The following HTR4 variants were observed in gnomAD, a reference collection of about 807,000 sequenced individuals.
HTR4 encodes the protein 5-hydroxytryptamine (serotonin) receptor 4, G protein-coupled.
HTR4 carries 16 observed loss-of-function variants against 36.8 expected under a neutral mutation model. That is an observed-to-expected ratio of 0.43 (90% CI 0.29 to 0.66). The LOEUF (loss-of-function observed/expected upper bound fraction) is 0.66, where lower values mean the gene tolerates loss of function less well. Among genes scored for constraint, HTR4 ranks in the 30% least tolerant of loss-of-function variants. The probability of loss-of-function intolerance (pLI) is 0.13; values close to 1 mark genes in which losing one functional copy is unlikely to be tolerated. For missense variants in HTR4, 438 were observed against 490.9 expected, an observed-to-expected ratio of 0.89 and a Z score of 1.02; for synonymous variants, 189 against 185.1, an observed-to-expected ratio of 1.02 and a Z score of -0.17.
rs766413781 is a variant in HTR4 at position 148,509,805 on chromosome 5, C to A, written c.727G>T (p.Ala243Ser). 5.6e-6 allele frequency: 9 copies of A among 1,613,918 alleles called. No homozygotes were observed. The Middle Eastern group carries it at 5.0e-4, about 89-fold the overall frequency. The part of the protein sequence containing the change: ...GASSESRPQS[A>S]DQHSTHRMRT... ...ATGCGATGAGTGCTATGCTGGTCTG[C>A]CGACTGAGGCCTGCTCTCGGAGGAG... Residue 243 changes from alanine (A) to serine (S), a missense_variant, in exon 6 of 7, where the codon GCA becomes TCA. Physicochemically the swap from Ala to Ser is moderately conservative, Grantham distance 99. Coordinates refer to ENST00000377888, the MANE Select transcript of HTR4 (RefSeq NM_000870.7).
intron 2 of HTR4, among the ~76,000 whole-genome samples, chr5:148,575,857 C>A (rs1760876889): frequency 6.6e-6 from 1 of 151,808 alleles, no homozygotes; most frequent in Non-Finnish European, 1.5e-5. Flanking sequence ...CACTCCCATG[C>A]AACATAATAT....
chr5:148,484,317 C>T (rs372132492), intron 6 of HTR4: 2 of 1,613,456 alleles, frequency 1.2e-6, no homozygotes, highest in African/African-American at 1.3e-5. Context: ...TGAGAATGGA[C>T]CCGCTCTGGC....
intron 2 of HTR4, among the ~76,000 whole-genome samples, chr5:148,608,374 C>A (rs1173035470): frequency 6.6e-6 from 1 of 152,080 alleles, no homozygotes; most frequent in Non-Finnish European, 1.5e-5. Flanking sequence ...AGCAGCTAAT[C>A]TAGGCTTTGG....
At chr5:148,644,009 T>C (rs10476896) in intron 1 of HTR4, among the ~76,000 whole-genome samples, 4,372 of 152,276 alleles carry the variant, frequency 0.029, 214 homozygotes, top group African/African-American at 0.1. Context: ...AGTTTAGGCA[T>C]GCATAAGAAT....
chr5:148,536,189 G>A (rs1333833558), intron 4 of HTR4, among the ~76,000 whole-genome samples: 2 of 152,042 alleles, frequency 1.3e-5, no homozygotes, highest in South Asian at 4.1e-4. Context: ...CAAATATTGA[G>A]GGAGTTTGTT....
chr5:148,456,953 C>T lies in HTR4; in HGVS notation c.1077-5681G>A, dbSNP rs117911888. On this transcript the variant is annotated intron_variant, in intron 5 of 5. Transcript: ENST00000521530. ...CCCAATTCAGTGCAGAAATCCTTTC[C>T]TCAGTAACTGAACAAACGTTTATTC... is the stretch of plus-strand genomic sequence containing the variant. Among the ~76,000 whole-genome samples the T allele has an allele frequency of 1.3e-3, 205 of 152,298 alleles. 4 individuals are homozygous for T. The East Asian group carries it at 0.034, about 25-fold the overall frequency.
intron 2 of HTR4, among the ~76,000 whole-genome samples, chr5:148,627,993 G>A (rs1408382735): frequency 6.6e-6 from 1 of 152,218 alleles, no homozygotes; most frequent in Non-Finnish European, 1.5e-5. Flanking sequence ...GGCTATGAAA[G>A]GTAATGTGAT....
intron 2 of HTR4, among the ~76,000 whole-genome samples, chr5:148,595,835 A>G (rs1761745419): frequency 6.6e-6 from 1 of 152,240 alleles, no homozygotes; most frequent in South Asian, 2.1e-4. Flanking sequence ...TAAGGACAAA[A>G]ATCCATAAAA....
At chr5:148,488,764 A>C (rs1196596342) in intron 6 of HTR4, among the ~76,000 whole-genome samples, 2 of 152,212 alleles carry the variant, frequency 1.3e-5, no homozygotes, top group African/African-American at 4.8e-5. Flanking sequence ...AAGCTTGCAG[A>C]AAGCTGAGCT....
intron 5 of HTR4, among the ~76,000 whole-genome samples, chr5:148,511,544 T>G (rs1004262333): frequency 6.6e-6 from 1 of 152,108 alleles, no homozygotes; most frequent in Non-Finnish European, 1.5e-5. Flanking sequence ...CATATTCCAA[T>G]ATTGACAGAC....
At chr5:148,635,699 T>C (rs1753509238) in intron 2 of HTR4, among the ~76,000 whole-genome samples, 1 of 152,200 alleles carries the variant, frequency 6.6e-6, no homozygotes, top group African/African-American at 2.4e-5. Flanking sequence ...CCATTGATAT[T>C]GCTCACTCTG....
At chr5:148,649,247 T>C (rs1029610041) in intron 1 of HTR4, among the ~76,000 whole-genome samples, 3 of 151,366 alleles carry the variant, frequency 2.0e-5, no homozygotes, top group Admixed American at 2.0e-4. Flanking sequence ...AGAGATACCT[T>C]GCTTGGATGG....
At chr5:148,546,764 T>C (rs1372099555) in intron 4 of HTR4, among the ~76,000 whole-genome samples, 1 of 152,240 alleles carries the variant, frequency 6.6e-6, no homozygotes, top group Non-Finnish European at 1.5e-5. Flanking sequence ...TCAGTCTCAC[T>C]ACTCATTTTA....
At chr5:148,509,423 A>G (rs752575838) in intron 6 of HTR4, 33 bp downstream of exon 6, 1 of 1,506,108 alleles carries the variant, frequency 6.6e-7, no homozygotes, top group Non-Finnish European at 9.0e-7. Flanking sequence ...AATACAAATC[A>G]ACCAAATCAA....
chr5:148,629,880 A>G (rs1160141179), intron 2 of HTR4: 8 of 152,152 alleles, frequency 5.3e-5, no homozygotes, highest in African/African-American at 1.9e-4. Flanking sequence ...GAAGCCTGAA[A>G]ACTATATTTT....
Position 148,484,130 on chromosome 5 carries a change from T to C in HTR4, c.1077-837A>G, listed in dbSNP as rs931975066. On this transcript the variant is annotated intron_variant, in intron 6 of 6. Coordinates refer to ENST00000377888, the MANE Select transcript of HTR4 (RefSeq NM_000870.7). ...GCACCCACTCAAACTAGACCTTAAG[T>C]TTTTTGCAAGCACATAGGAAGATCA... 1.0e-5 allele frequency: 10 copies of C among 959,650 alleles called. No individual in the cohort carries two copies. In the African/African-American group the frequency reaches 1.7e-4, roughly 16 times the overall value. The allele number at this position is 959,650 out of a possible 1,614,324, so 59.4% of individuals were successfully genotyped here.
At chr5:148,610,939 G>T (rs1025629576) in intron 2 of HTR4, among the ~76,000 whole-genome samples, 4 of 150,676 alleles carry the variant, frequency 2.7e-5, no homozygotes, top group African/African-American at 9.8e-5. Flanking sequence ...AATGGAAGAT[G>T]AAATGAATGA....
intron 2 of HTR4, among the ~76,000 whole-genome samples, chr5:148,607,025 T>G (rs1320044301): frequency 6.6e-6 from 1 of 152,198 alleles, no homozygotes; most frequent in Admixed American, 6.5e-5. Context: ...CTTTTTTCAG[T>G]TAAACCTTAA....
chr5:148,616,639 T>G (rs188983911), intron 2 of HTR4, among the ~76,000 whole-genome samples: 3 of 152,296 alleles, frequency 2.0e-5, no homozygotes, highest in Middle Eastern at 3.4e-3. Context: ...CAGAAAAATA[T>G]AGACACATGA....
Sources: allele counts gnomAD v4.1 joint callset (sites outside exome capture counted in the v4.1 genomes callset), GRCh38; gene constraint gnomAD v4.1.1; transcripts MANE v1.5; gene names NCBI Gene and HGNC (gene_info 2026-07-23, HGNC 2026-07-21).